Variants in KLHL38 observed in about 807,000 individuals in gnomAD.
The protein encoded by KLHL38 is kelch-like protein 38.
A neutral mutation model predicts 39.6 loss-of-function variants in KLHL38; 38 were observed. The ratio of observed to expected loss-of-function variants is 0.96; its 90% CI spans 0.74 to 1.26. The LOEUF is 1.26. Ranked by LOEUF, KLHL38 falls within the 50% of genes most tolerant of loss-of-function variation. The probability of loss-of-function intolerance (pLI) is 0.00; values close to 1 mark genes in which losing one functional copy is unlikely to be tolerated. For synonymous variants in KLHL38, 322 were observed against 302.2 expected, an observed-to-expected ratio of 1.07 and a Z score of -0.68; for missense variants, 803 against 748.1, an observed-to-expected ratio of 1.07 and a Z score of -0.86.
intron 1 of KLHL38, 168 bp from the exon 2 acceptor site, chr8:123,653,095 A>T: frequency 1.4e-6 from 1 of 700,720 alleles, no homozygotes; most frequent in Non-Finnish European, 2.3e-6. Flanking sequence ...TTGGAAAGGA[A>T]GGCCACATAC....
In KLHL38 at chr8:123,644,584, G is replaced by A. The variant is rs117355022; in HGVS notation, c.*1155C>T. 2.2e-3 allele frequency among the ~76,000 whole-genome samples: 328 copies of A among 152,284 alleles called. 15 individuals carry two copies. In the East Asian group the frequency reaches 0.058, roughly 27 times the overall value. On this transcript the variant is annotated 3_prime_UTR_variant, in exon 4 of 4. Coordinates refer to ENST00000684634, the MANE Select transcript of KLHL38 (RefSeq NM_001081675.3). ...AACAAGGTCAGGGCCAATTTCTCAC[G>A]CTGCCACCTGGACCAAGCAGTTCCA...
chr8:123,651,191 G>A (rs1208651053), intron 2 of KLHL38, among the ~76,000 whole-genome samples: 1 of 152,100 alleles, frequency 6.6e-6, no homozygotes, highest in Non-Finnish European at 1.5e-5. Flanking sequence ...GTGTACATGG[G>A]TGCACATGTG....
At chr8:123,653,552 A>T (rs1812695998) in intron 1 of KLHL38, among the ~76,000 whole-genome samples, 34 bp downstream of exon 1, 2 of 152,226 alleles carry the variant, frequency 1.3e-5, no homozygotes, top group South Asian at 4.1e-4. Flanking sequence ...CTGGTTTTCT[A>T]CTTGCAGAAG....
At position 123,651,957 on chromosome 8, in the gene KLHL38, T is replaced by A. The variant is rs1452462148; in HGVS notation, c.970A>T (p.Lys324Ter). The stretch of plus-strand genomic sequence containing the variant: ...CGGTGCAAGGTGATGGCAGAGGCCT[T>A]GTACAGCCGTGTCGGGAGTTTGGCA... ...SLAKLPTRLY[K>*]ASAITLHRSI... The change falls in exon 2 of 4, where the codon AAG becomes TAG. Residue 324 changes from lysine to a stop codon, truncating the protein, a stop_gained. Transcript: ENST00000684634. LOFTEE classifies it high-confidence loss of function. 1 of 1,614,242 alleles carries A rather than the reference T, an allele frequency of 6.2e-7. No homozygotes were observed. The highest frequency in any genetic ancestry group is 8.5e-7 in the Non-Finnish European group (1 of 1,180,036).
At position 123,651,756 on chromosome 8, in the gene KLHL38, TC is replaced by T. The variant is rs1351258817; in HGVS notation, c.1170del (p.Ile391LeufsTer38). 3 of 1,614,004 alleles carry T rather than the reference TC, an allele frequency of 1.9e-6. 1 individual carries two copies. The highest frequency in any genetic ancestry group is 2.2e-5 in the East Asian group (1 of 44,864). ...CCCATGAGCTCCTGCCCTTCTCCAA[TC>T]CCCCCGATGGAGAAGATGAAGTTCT... ...AHKNFIFSIG[G>X]IGEGQELMGS... On this transcript the variant is annotated frameshift_variant, in exon 2 of 4. Transcript: ENST00000684634. LOFTEE classifies it high-confidence loss of function.
intron 3 of KLHL38, among the ~76,000 whole-genome samples, chr8:123,646,312 T>C (rs977076231): frequency 6.6e-6 from 1 of 152,232 alleles, no homozygotes; most frequent in African/African-American, 2.4e-5. Context: ...CTCAGCCTCA[T>C]TGGCCTCTTC....
At chr8:123,647,800 C>T (rs569515262) in intron 2 of KLHL38, among the ~76,000 whole-genome samples, 3 of 152,258 alleles carry the variant, frequency 2.0e-5, no homozygotes, top group South Asian at 2.1e-4. Context: ...ATTACGAGGC[C>T]GGGTGCGGTG....
chr8:123,647,485 C>A (rs968132426), intron 2 of KLHL38, among the ~76,000 whole-genome samples: 2 of 152,060 alleles, frequency 1.3e-5, no homozygotes, highest in Non-Finnish European at 2.9e-5. Context: ...CGTTCATGCC[C>A]GAAAGTCATT....
chr8:123,646,071 C>A, intron 3 of KLHL38, 43 bp from the exon 4 acceptor site: 1 of 1,574,044 alleles, frequency 6.4e-7, no homozygotes, highest in Non-Finnish European at 8.7e-7. Flanking sequence ...TGTTGCTCAT[C>A]TGGGACTGGA....
chr8:123,646,035 A>G lies in KLHL38; in HGVS notation c.1457-7T>C. On this transcript the variant is annotated splice_polypyrimidine_tract_variant and splice_region_variant and intron_variant, in intron 3 of 3. Transcript: ENST00000684634. ...AGAATCCTCCTTGTGTAACCTGAAA[A>G]CCAAATGACACATGGGCAAGCTCAG... is the stretch of plus-strand genomic sequence containing the variant. The G allele has an allele frequency of 6.2e-7, 1 of 1,613,168 alleles. No individual in the cohort carries two copies. Among genetic ancestry groups the G allele is most frequent in the Non-Finnish European group, 8.5e-7 (1 of 1,179,206 alleles).
chr8:123,652,409 T>G lies in KLHL38; in HGVS notation c.518A>C (p.Lys173Thr), dbSNP rs1188573898. Residue 173 changes from lysine (K) to threonine (T), a missense_variant, in exon 2 of 4, where the codon AAG (lysine) becomes ACG (threonine). Transcript: ENST00000684634. Reference sequence around the variant, plus strand: ...CCTCAACTCCAAGGCACAGAGCTCCTTCAGGTCGGCCGATGCGGCCACCTC... The same window carrying G: ...CCTCAACTCCAAGGCACAGAGCTCCGTCAGGTCGGCCGATGCGGCCACCTC... ...FPEVAASADL[K>T]ELCALELRDY... The G allele has an allele frequency of 6.2e-7, 1 of 1,614,102 alleles. No individual in the cohort carries two copies. The highest frequency in any genetic ancestry group is 8.5e-7 in the Non-Finnish European group (1 of 1,180,022).
rs763692107 is a variant in KLHL38, at chr8:123,645,477, G to GAGAGAGAGAGAGAGAC, written c.*261_*262insGTCTCTCTCTCTCTCT. On this transcript the variant is annotated 3_prime_UTR_variant, in exon 4 of 4. Coordinates refer to ENST00000684634, the MANE Select transcript of KLHL38 (RefSeq NM_001081675.3). ...AGAGAGAGAGAGAGAGAGAGAGAGA[G>GAGAGAGAGAGAGAGAC]AGACAGACAGAGATAGGGGAGAGAA... 14 of 475,022 alleles carry GAGAGAGAGAGAGAGAC rather than the reference G, an allele frequency of 2.9e-5. No homozygotes were observed. Among genetic ancestry groups the GAGAGAGAGAGAGAGAC allele is most frequent in the African/African-American group, 2.5e-4 (11 of 43,574 alleles). 29.4% of individuals were successfully genotyped at this position (475,022 alleles called of 1,614,324 possible).
rs147114029 is a variant in KLHL38 at position 123,652,164 on chromosome 8, C to T, written c.763G>A (p.Ala255Thr). ...CACAAAGAGAACATCTGTCTCTTGG[C>T]GGTCTCCAAGATGATCTGGCATGCA... ...SPACQIILET[A>T]KRQMFSLCGT... Residue 255 changes from alanine to threonine, a missense_variant, in exon 2 of 4, where the codon GCC (alanine) becomes ACC (threonine). Ala to Thr is a moderately conservative substitution (Grantham distance 58). Coordinates refer to ENST00000684634, the MANE Select transcript of KLHL38 (RefSeq NM_001081675.3). The T allele has an allele frequency of 2.8e-5, 46 of 1,614,162 alleles. No homozygotes were observed. The highest frequency in any genetic ancestry group is 1.6e-4 in the Middle Eastern group (1 of 6,062).
chr8:123,649,031 G>T (rs1812585140), intron 2 of KLHL38, among the ~76,000 whole-genome samples: 2 of 152,150 alleles, frequency 1.3e-5, no homozygotes, highest in Non-Finnish European at 2.9e-5. Context: ...ATCCTGAAAT[G>T]CAAAAGGATC....
chr8:123,645,368 TG>T lies in KLHL38; in HGVS notation c.*370del, dbSNP rs1818642399. ...GTGAGAATCGCTTGAACCTGGGAGG[TG>T]GGGGTTTCAGTGAGCTGAGATAGCA... On this transcript the variant is annotated 3_prime_UTR_variant, in exon 4 of 4. Coordinates refer to ENST00000684634, the MANE Select transcript of KLHL38 (RefSeq NM_001081675.3). 5.3e-5 allele frequency among the ~76,000 whole-genome samples: 8 copies of T among 149,788 alleles called. No homozygotes were observed. In the South Asian group the frequency reaches 1.7e-3, roughly 32 times the overall value.
intron 2 of KLHL38, among the ~76,000 whole-genome samples, chr8:123,647,597 C>T (rs1023340228): frequency 4.6e-5 from 7 of 152,094 alleles, no homozygotes; most frequent in African/African-American, 7.2e-5. Flanking sequence ...TCAACACCCC[C>T]GAAACATGTT....
chr8:123,645,871 C>G lies in KLHL38; in HGVS notation c.1614G>C (p.Glu538Asp), dbSNP rs367914865. 1.2e-6 allele frequency: 2 copies of G among 1,614,056 alleles called. No homozygotes were observed. The highest frequency in any genetic ancestry group is 1.7e-6 in the Non-Finnish European group (2 of 1,180,012). The stretch of plus-strand genomic sequence containing the variant: ...CGTAGCAATCGAAGGAGGCGGAGTC[C>G]TCAATGTTGCAGTCCGTGGTCAGCC... ...GRRLTTDCNIEDSASFDCYDP... is the reference protein window; with the variant it reads ...GRRLTTDCNIDDSASFDCYDP... Residue 538 changes from glutamate (E) to aspartate (D), a missense_variant, in exon 4 of 4, where the codon GAG becomes GAC. Physicochemically the swap from Glu to Asp is conservative, Grantham distance 45. Transcript: ENST00000684634.
rs184158894 is a variant in KLHL38 at position 123,652,867 on chromosome 8, C to T, written c.60G>A (p.Leu20=). The T allele has an allele frequency of 1.9e-6, 3 of 1,606,228 alleles. No homozygotes were observed. Among genetic ancestry groups the T allele is most frequent in the South Asian group, 1.1e-5 (1 of 91,080 alleles). The change falls in exon 2 of 4, where the codon TTG becomes TTA. Residue 20 remains leucine (L), a synonymous_variant. Transcript: ENST00000684634. ...LFKDHDFSSD[L]LRQLNSLRQS... ...GCCTTAAGCTGTTGAGCTGCCTCAACAAGTCAGAAGAGAAGTCGTGGTCTT... is the reference window on the plus strand; with the variant it reads ...GCCTTAAGCTGTTGAGCTGCCTCAATAAGTCAGAAGAGAAGTCGTGGTCTT...
At position 123,645,304 on chromosome 8, in the gene KLHL38, G is replaced by A. The variant is rs1410309308; in HGVS notation, c.*435C>T. Among the ~76,000 whole-genome samples, 2 of 152,110 alleles carry A rather than the reference G, an allele frequency of 1.3e-5. No homozygotes were observed. The highest frequency in any genetic ancestry group is 3.9e-4 in the East Asian group (2 of 5,184). ...ACGCAAAAATTAGCTGGACTTGGTGGCACATGCCTATAATCCCAGCTACTC... is the reference window on the plus strand; with the variant it reads ...ACGCAAAAATTAGCTGGACTTGGTGACACATGCCTATAATCCCAGCTACTC... On this transcript the variant is annotated 3_prime_UTR_variant, in exon 4 of 4. Transcript: ENST00000684634.
Sources: allele counts gnomAD v4.1 joint callset (sites outside exome capture counted in the v4.1 genomes callset), GRCh38; gene constraint gnomAD v4.1.1; transcripts MANE v1.5; gene names NCBI Gene and HGNC (gene_info 2026-07-23, HGNC 2026-07-21).